The following SPIRE1 variants were observed in gnomAD, a reference collection of about 807,000 sequenced individuals.
The protein encoded by SPIRE1 is spire type actin nucleation factor 1, also known as protein spire homolog 1.
A neutral mutation model predicts 94.1 loss-of-function variants in SPIRE1; 40 were observed. The observed-to-expected ratio is 0.43, with a 90% CI of 0.33 to 0.55. The LOEUF (loss-of-function observed/expected upper bound fraction) is 0.55, where lower values mean the gene tolerates loss of function less well. SPIRE1 is among the 20% of genes least tolerant of loss of function. The pLI is 0.06. For missense variants in SPIRE1, 838 were observed against 975.2 expected (o/e 0.86, Z 1.87); for synonymous variants, 376 against 371.7 (o/e 1.01, Z -0.13).
chr18:12,485,922 C>T (rs2033020838), intron 9 of SPIRE1, 37 bp downstream of exon 9: 2 of 1,491,538 alleles, frequency 1.3e-6, no homozygotes, highest in Admixed American at 2.1e-5. Flanking sequence ...AACCACAAAA[C>T]CCACGTCAGG....
chr18:12,496,153 T>A, intron 6 of SPIRE1, 51 bp from the exon 7 acceptor site: 1 of 1,300,344 alleles, frequency 7.7e-7, no homozygotes, highest in Non-Finnish European at 1.1e-6. Flanking sequence ...AAGACTATCA[T>A]GAATTTCTGG....
chr18:12,591,968 C>CAAAAAAAAAAAAAAAA (rs35668057), intron 2 of SPIRE1, among the ~76,000 whole-genome samples: 1 of 67,434 alleles, frequency 1.5e-5, no homozygotes, highest in African/African-American at 5.7e-5. Flanking sequence ...GACTCCATCT[C>CAAAAAAAAAAAAAAAA]AAAAAAAAAA....
chr18:12,649,828 A>G (rs1342480581), intron 1 of SPIRE1, among the ~76,000 whole-genome samples: 1 of 152,224 alleles, frequency 6.6e-6, no homozygotes, highest in East Asian at 1.9e-4. Context: ...CTGCAAAAGT[A>G]GAAACACAGA....
At chr18:12,655,526 G>A (rs1425751788) in intron 1 of SPIRE1, among the ~76,000 whole-genome samples, 4 of 152,128 alleles carry the variant, frequency 2.6e-5, no homozygotes, top group African/African-American at 9.7e-5. Flanking sequence ...AACTGGTAGC[G>A]CAGGTCATGA....
chr18:12,480,908 G>A (rs181543580), intron 9 of SPIRE1, among the ~76,000 whole-genome samples: 335 of 152,284 alleles, frequency 2.2e-3, no homozygotes, highest in Non-Finnish European at 3.7e-3. Context: ...CAGCACACTC[G>A]ACTGCTCTTT....
rs377342565 is a variant in SPIRE1, at chr18:12,452,264, C to A, written c.2003G>T (p.Ser668Ile). The A allele has an allele frequency of 3.1e-6, 5 of 1,613,716 alleles. No homozygotes were observed. In the African/African-American group the frequency reaches 5.3e-5, roughly 17 times the overall value. Residue 668 changes from serine to isoleucine, a missense_variant, in exon 16 of 17, where the codon AGC (serine) becomes ATC (isoleucine). Physicochemically the swap from Ser to Ile is moderately radical, Grantham distance 142 (BLOSUM62 -2). This residue lies in a region of SPIRE1 where 645 missense variants were observed against 804.7 expected (regional missense o/e 0.80). Coordinates refer to ENST00000409402, the MANE Select transcript of SPIRE1 (RefSeq NM_001128626.2). ...PSTAHHRPLR[S>I]IARFSSKSKS... ...CAGGCCCCTTGCTCACCTGGCAATG[C>A]TCCGAAGTGGCCGATGATGGGCAGT...
chr18:12,609,685 A>G (rs1567965172), intron 2 of SPIRE1, among the ~76,000 whole-genome samples: 1 of 152,116 alleles, frequency 6.6e-6, no homozygotes, highest in Non-Finnish European at 1.5e-5. Flanking sequence ...TCACCACCCT[A>G]TTTGAGCACC....
intron 8 of SPIRE1, among the ~76,000 whole-genome samples, chr18:12,488,430 G>A (rs1468433949): frequency 2.0e-5 from 3 of 152,098 alleles, no homozygotes; most frequent in Non-Finnish European, 4.4e-5. Context: ...CAGTAGCTTC[G>A]GAAGTACAGG....
chr18:12,586,153 T>A (rs1334251355), intron 2 of SPIRE1, among the ~76,000 whole-genome samples: 1 of 152,118 alleles, frequency 6.6e-6, no homozygotes, highest in Non-Finnish European at 1.5e-5. Flanking sequence ...AGGGTCTCAT[T>A]ATGTTGCCCA....
At chr18:12,451,009 TGAAAA>T (rs1441389816) in intron 16 of SPIRE1, 1 of 543,082 alleles carries the variant, frequency 1.8e-6, no homozygotes, top group African/African-American at 2.1e-5. Context: ...ATGAACAAGA[TGAAAA>T]GGAAGAAGGA....
intron 2 of SPIRE1, among the ~76,000 whole-genome samples, chr18:12,577,840 G>A (rs9962946): frequency 5.5e-4 from 83 of 152,082 alleles, no homozygotes; most frequent in African/African-American, 1.8e-3. Flanking sequence ...AGTCTAGAAT[G>A]TATTTTTTAA....
intron 12 of SPIRE1, among the ~76,000 whole-genome samples, chr18:12,462,967 C>G (rs1410293146): frequency 6.6e-6 from 1 of 152,148 alleles, no homozygotes; most frequent in Non-Finnish European, 1.5e-5. Context: ...GTAGTCATAG[C>G]TCACTGCAGC....
At chr18:12,652,295 G>T (rs1385643756) in intron 1 of SPIRE1, among the ~76,000 whole-genome samples, 1 of 152,176 alleles carries the variant, frequency 6.6e-6, no homozygotes, top group Non-Finnish European at 1.5e-5. Flanking sequence ...GAGCCTGCGT[G>T]TCTTTAACCC....
At chr18:12,508,864 C>A (rs1000676309) in intron 5 of SPIRE1, among the ~76,000 whole-genome samples, 2 of 152,032 alleles carry the variant, frequency 1.3e-5, no homozygotes, top group African/African-American at 2.4e-5. Flanking sequence ...TCAGTAGACA[C>A]AGGTTTCGTC....
chr18:12,582,758 C>A (rs80037025), intron 2 of SPIRE1, among the ~76,000 whole-genome samples: 1,960 of 152,230 alleles, frequency 0.013, 29 homozygotes, highest in Middle Eastern at 0.02. Context: ...TAGATGATTC[C>A]AATGATCAGC....
chr18:12,657,643 C>T lies in SPIRE1; in HGVS notation c.224G>A (p.Arg75His). Reference sequence around the variant, plus strand: ...GCGCACACGGTGGCGGGGCTGGCGGCGGCGGGCGGCGGCGCGCAGGGAACC... The same window carrying T: ...GCGCACACGGTGGCGGGGCTGGCGGTGGCGGGCGGCGGCGCGCAGGGAACC... ...CCGSLRAAAR[R>H]RQPRHRVRSA... is the part of the protein sequence containing the mutation. The change falls in exon 1 of 17, where the codon CGC (arginine) becomes CAC (histidine). Residue 75 changes from arginine to histidine, a missense_variant. Coordinates refer to ENST00000409402, the MANE Select transcript of SPIRE1 (RefSeq NM_001128626.2). 3 of 1,313,532 alleles carry T rather than the reference C, an allele frequency of 2.3e-6. No homozygotes were observed. The highest frequency in any genetic ancestry group is 4.4e-5 in the South Asian group (2 of 45,546). 81.4% of individuals were successfully genotyped at this position (1,313,532 alleles called of 1,614,324 possible). A position where few individuals can be genotyped will look rare whatever the true frequency, so the allele number is the denominator to read the frequency against.
intron 2 of SPIRE1, among the ~76,000 whole-genome samples, chr18:12,607,595 C>CTACACACA (rs1399629561): frequency 2.8e-4 from 13 of 45,716 alleles, no homozygotes; most frequent in African/African-American, 7.6e-4. Flanking sequence ...CTCCACAGCA[C>CTACACACA]TACACACACA....
chr18:12,548,992 C>T (rs2035257046), intron 2 of SPIRE1, among the ~76,000 whole-genome samples: 1 of 152,328 alleles, frequency 6.6e-6, no homozygotes, highest in African/African-American at 2.4e-5. Flanking sequence ...TCCCTCCTGG[C>T]AGTGTCCCAG....
At chr18:12,478,573 A>G (rs1391531628) in intron 10 of SPIRE1, among the ~76,000 whole-genome samples, 2 of 121,248 alleles carry the variant, frequency 1.6e-5, no homozygotes, top group African/African-American at 5.9e-5. Flanking sequence ...GTGTGTGTGA[A>G]GCTAGGGTGT....
Sources: allele counts gnomAD v4.1 joint callset (sites outside exome capture counted in the v4.1 genomes callset), GRCh38; gene constraint gnomAD v4.1.1; regional missense constraint gnomAD v4.1.1; transcripts MANE v1.5; gene names NCBI Gene and HGNC (gene_info 2026-07-23, HGNC 2026-07-21).